The following SPTBN4 variants were observed in gnomAD, a reference collection of about 807,000 sequenced individuals.
SPTBN4 encodes spectrin beta, non-erythrocytic 4, also known as spectrin beta chain, non-erythrocytic 4.
Under a neutral mutation model 277.8 loss-of-function variants are expected in SPTBN4, and 96 were observed. The observed-to-expected ratio is 0.35, with a 90% CI of 0.29 to 0.41. SPTBN4 has a LOEUF of 0.41. SPTBN4 is among the 10% of genes least tolerant of loss of function. SPTBN4 has a pLI of 1.00. For missense variants in SPTBN4, 3,006 were observed against 3,595.7 expected, an observed-to-expected ratio of 0.84 and a Z score of 4.19; for synonymous variants, 1,481 against 1,580.3, an observed-to-expected ratio of 0.94 and a Z score of 1.49.
intron 20 of SPTBN4, among the ~76,000 whole-genome samples, chr19:40,547,173 TC>T (rs1209071655): frequency 1.8e-5 from 2 of 110,982 alleles, no homozygotes; most frequent in East Asian, 3.2e-4. Context: ...ATGATATCCC[TC>T]CCCCCTCCCC....
intron 17 of SPTBN4, among the ~76,000 whole-genome samples, chr19:40,526,167 CTTTTTTT>C (rs1168105162): frequency 2.1e-5 from 2 of 93,174 alleles, no homozygotes; most frequent in Non-Finnish European, 4.1e-5. Flanking sequence ...AGGTGCTGTT[CTTTTTTT>C]TTTTTTTTTT....
rs764291270 is a variant in SPTBN4, at chr19:40,502,381, C to A, written c.1086-9C>A. On this transcript the variant is annotated splice_polypyrimidine_tract_variant and intron_variant, in intron 9 of 35. Coordinates refer to ENST00000598249, the MANE Select transcript of SPTBN4 (RefSeq NM_020971.3). The surrounding 1 kb of genome is among the most constrained non-coding windows in gnomAD (Gnocchi z 4.9). ...TGACGGCAGGGCTCCTGAGCTCATG[C>A]CCCTTCAGGTTCCAGGAGAAGGGGA... The A allele has an allele frequency of 6.2e-7, 1 of 1,610,480 alleles. No individual in the cohort carries two copies. The highest frequency in any genetic ancestry group is 8.5e-7 in the Non-Finnish European group (1 of 1,178,340).
intron 20 of SPTBN4, among the ~76,000 whole-genome samples, chr19:40,543,252 C>T (rs951882943): frequency 6.6e-6 from 1 of 152,070 alleles, no homozygotes; most frequent in African/African-American, 2.4e-5. Flanking sequence ...GAGTTGGAGA[C>T]CCGCCTGGCC....
At chr19:40,497,711 G>A (rs1464655950) in intron 7 of SPTBN4, 107 bp downstream of exon 7, 2 of 889,424 alleles carry the variant, frequency 2.2e-6, no homozygotes, top group Non-Finnish European at 3.6e-6. Flanking sequence ...CAAATCCTGA[G>A]GCCTCTCCAA....
At chr19:40,551,339 T>C (rs2080915397) in intron 22 of SPTBN4, among the ~76,000 whole-genome samples, 1 of 151,648 alleles carries the variant, frequency 6.6e-6, no homozygotes, top group African/African-American at 2.4e-5. Context: ...CAGTGAGCCT[T>C]GAACACCCCA....
chr19:40,529,420 C>T (rs2080636615), intron 18 of SPTBN4, among the ~76,000 whole-genome samples: 1 of 152,228 alleles, frequency 6.6e-6, no homozygotes, highest in Non-Finnish European at 1.5e-5. Context: ...TCACCTTTCT[C>T]TCCTGAGATT....
intron 26 of SPTBN4, among the ~76,000 whole-genome samples, chr19:40,559,045 C>CT (rs1271766703): frequency 6.6e-6 from 1 of 151,366 alleles, no homozygotes; most frequent in East Asian, 1.9e-4. Flanking sequence ...AATTCTCCCA[C>CT]TTCAGCCTCG....
At chr19:40,470,336 C>T (rs1182185707) in intron 1 of SPTBN4, among the ~76,000 whole-genome samples, 2 of 151,764 alleles carry the variant, frequency 1.3e-5, no homozygotes, top group Admixed American at 6.6e-5. Flanking sequence ...GATGGTGTCT[C>T]GCCCTGTTGC....
intron 35 of SPTBN4, among the ~76,000 whole-genome samples, chr19:40,574,444 C>T (rs1190857965): frequency 6.6e-6 from 1 of 151,786 alleles, no homozygotes; most frequent in Non-Finnish European, 1.5e-5. Context: ...TCACTGCAAC[C>T]TCCACTTCCC....
chr19:40,574,550 C>T (rs887446891), intron 35 of SPTBN4, among the ~76,000 whole-genome samples: 1 of 151,730 alleles, frequency 6.6e-6, no homozygotes, highest in Non-Finnish European at 1.5e-5. Context: ...TTAGTAGAGA[C>T]GGGGTTTCTC....
intron 16 of SPTBN4, among the ~76,000 whole-genome samples, chr19:40,521,725 C>G (rs972209568): frequency 6.6e-6 from 1 of 152,290 alleles, no homozygotes; most frequent in East Asian, 1.9e-4. Flanking sequence ...AAATCCTGAT[C>G]TAGGGAGTGG....
At position 40,502,894 on chromosome 19, in the gene SPTBN4, G is replaced by A. The variant is rs757787296; in HGVS notation, c.1323G>A (p.Arg441=). ...GGTTTGACCACAAGGTGGCTATGAG[G>A]GAGAGCTGGCTGAATGAGAACCAGC... ...AQRFDHKVAM[R]ESWLNENQRL... Residue 441 remains arginine (R), a synonymous_variant, in exon 11 of 36, where the codon AGG becomes AGA. Coordinates refer to ENST00000598249, the MANE Select transcript of SPTBN4 (RefSeq NM_020971.3). The surrounding 1 kb of genome is among the most constrained non-coding windows in gnomAD (Gnocchi z 4.9). 4 of 1,613,790 alleles carry A rather than the reference G, an allele frequency of 2.5e-6. No homozygotes were observed. In the Admixed American group the frequency reaches 6.7e-5, roughly 27 times the overall value.
intron 16 of SPTBN4, among the ~76,000 whole-genome samples, chr19:40,521,111 G>A (rs1197704133): frequency 3.9e-5 from 6 of 152,102 alleles, no homozygotes; most frequent in Non-Finnish European, 7.4e-5. Flanking sequence ...TTTTAGTAGA[G>A]ATGGGGTTTC....
At chr19:40,516,622 G>C (rs987716286) in intron 15 of SPTBN4, among the ~76,000 whole-genome samples, 3 of 152,020 alleles carry the variant, frequency 2.0e-5, no homozygotes, top group African/African-American at 7.3e-5. Context: ...TCAGGAGTTC[G>C]AGACCAGCCT....
intron 20 of SPTBN4, among the ~76,000 whole-genome samples, chr19:40,547,299 G>A (rs1327760344): frequency 1.3e-5 from 2 of 151,130 alleles, no homozygotes; most frequent in African/African-American, 2.4e-5. Flanking sequence ...CTGTCCTTGC[G>A]ATAGTTTGCT....
At chr19:40,543,035 A>G (rs1320143067) in intron 20 of SPTBN4, among the ~76,000 whole-genome samples, 1 of 152,022 alleles carries the variant, frequency 6.6e-6, no homozygotes, top group Non-Finnish European at 1.5e-5. Context: ...TGTTGGCCTC[A>G]TGGTCAGGGA....
chr19:40,479,231 A>G (rs1231008447), intron 2 of SPTBN4, among the ~76,000 whole-genome samples: 1 of 152,118 alleles, frequency 6.6e-6, no homozygotes, highest in Non-Finnish European at 1.5e-5. Context: ...AGATGGGAGC[A>G]TCACTTGAGC....
Position 40,508,702 on chromosome 19 carries a change from A to C in SPTBN4, c.1816+2316A>C, listed in dbSNP as rs1173269949. Among the ~76,000 whole-genome samples the C allele has an allele frequency of 5.9e-5, 9 of 152,142 alleles. No homozygotes were observed. The East Asian group carries it at 1.4e-3, about 23-fold the overall frequency. On this transcript the variant is annotated intron_variant, in intron 13 of 35. Transcript: ENST00000598249. ...GACCTCATCTCAAAGAAATATATAT[A>C]TATATATGACTGGTGGCTTATTGTA...
At chr19:40,518,903 C>T (rs570939977) in intron 15 of SPTBN4, among the ~76,000 whole-genome samples, 1 of 152,100 alleles carries the variant, frequency 6.6e-6, no homozygotes, top group African/African-American at 2.4e-5. Context: ...TGAGATCTCA[C>T]GTCTTAAAAA....
Sources: gnomAD v4.1 joint callset for allele counts (sites outside exome capture counted in the v4.1 genomes callset) on GRCh38, gnomAD v4.1.1 for gene constraint, Gnocchi (gnomAD v3.1) non-coding constraint, MANE v1.5 for transcripts, NCBI Gene and HGNC (gene_info 2026-07-23, HGNC 2026-07-21) for gene names.